Variants in HACE1 observed in about 807,000 individuals in gnomAD.
The protein encoded by HACE1 is E3 ubiquitin-protein ligase HACE1.
HACE1 carries 73 observed loss-of-function variants against 118.4 expected under a neutral mutation model. The observed-to-expected ratio is 0.62, with a 90% CI of 0.51 to 0.75. The LOEUF (loss-of-function observed/expected upper bound fraction) is 0.75. Among genes scored for constraint, HACE1 ranks in the 30% least tolerant of loss-of-function variants. HACE1 has a pLI of 0.00. For missense variants in HACE1, 749 were observed against 1,102.2 expected, an observed-to-expected ratio of 0.68 and a Z score of 4.54; for synonymous variants, 368 against 374.8, an observed-to-expected ratio of 0.98 and a Z score of 0.21.
intron 1 of HACE1, among the ~76,000 whole-genome samples, chr6:104,854,526 AG>A (rs1362610340): frequency 2.0e-5 from 3 of 152,078 alleles, no homozygotes; most frequent in African/African-American, 7.2e-5. Flanking sequence ...TAAAAGGAGG[AG>A]GAACTGTCAT....
rs1394282377 is a variant in HACE1 at position 104,823,344 on chromosome 6, G to A, written c.534+9698C>T. Among the ~76,000 whole-genome samples, 6 of 151,694 alleles carry A rather than the reference G, an allele frequency of 4.0e-5. No homozygotes were observed. The East Asian group carries it at 9.7e-4, about 25-fold the overall frequency. On this transcript the variant is annotated intron_variant, in intron 6 of 23. Transcript: ENST00000262903. ...AGCTACTTCGGAGGCTGACGCAGGAGAATCGCTTGAACCTGGGAGGCAGAG... is the reference window on the plus strand; with the variant it reads ...AGCTACTTCGGAGGCTGACGCAGGAAAATCGCTTGAACCTGGGAGGCAGAG...
chr6:104,822,957 T>C (rs191136859), intron 6 of HACE1, among the ~76,000 whole-genome samples: 1 of 152,190 alleles, frequency 6.6e-6, no homozygotes, highest in Non-Finnish European at 1.5e-5. Context: ...ACTAACATAC[T>C]CCTCTACTGT....
intron 23 of HACE1, 151 bp from the exon 24 acceptor site, chr6:104,729,915 A>G: frequency 1.5e-6 from 1 of 650,526 alleles, no homozygotes; most frequent in South Asian, 1.7e-5. Context: ...GTATTTAAAA[A>G]GAAGAAAAAA....
At chr6:104,857,234 A>G (rs1283272703) in intron 1 of HACE1, among the ~76,000 whole-genome samples, 1 of 149,386 alleles carries the variant, frequency 6.7e-6, no homozygotes, top group African/African-American at 2.4e-5. Flanking sequence ...TATGTATGAT[A>G]TACTTTAAAG....
intron 22 of HACE1, among the ~76,000 whole-genome samples, chr6:104,738,783 G>A (rs1037791895): frequency 4.1e-5 from 6 of 145,132 alleles, no homozygotes; most frequent in African/African-American, 1.6e-4. Flanking sequence ...GTCTAGCAAG[G>A]CAGGCCAACG....
At position 104,834,341 on chromosome 6, in the gene HACE1, G is replaced by C. The variant is rs141335802; in HGVS notation, c.403-1168C>G. On this transcript the variant is annotated intron_variant, in intron 5 of 23. Transcript: ENST00000262903. ...GTTAAAAAGTAATTAACATAGCAAT[G>C]CTATATTCCTTACTTCCTGTATTTT... Among the ~76,000 whole-genome samples, 529 of 152,176 alleles carry C rather than the reference G, an allele frequency of 3.5e-3. 1 individual carries two copies. The highest frequency in any genetic ancestry group is 0.012 in the African/African-American group (481 of 41,512).
At chr6:104,804,849 C>T (rs1012671728) in intron 7 of HACE1, among the ~76,000 whole-genome samples, 1 of 152,096 alleles carries the variant, frequency 6.6e-6, no homozygotes, top group African/African-American at 2.4e-5. Context: ...AAAGCCAAAA[C>T]AGACAAATGG....
In HACE1 at chr6:104,760,225, G is replaced by C. The variant is rs543909446; in HGVS notation, c.2212-9753C>G. Among the ~76,000 whole-genome samples the C allele has an allele frequency of 2.0e-5, 3 of 152,186 alleles. No homozygotes were observed. The South Asian group carries it at 6.2e-4, about 32-fold the overall frequency. ...AGGCCAACATCATCCTGATACCAAA[G>C]CCTGGCAGAGACACAACAAAAAAAG... is the stretch of plus-strand genomic sequence containing the variant. On this transcript the variant is annotated intron_variant, in intron 19 of 23. Coordinates refer to ENST00000262903, the MANE Select transcript of HACE1 (RefSeq NM_020771.4).
chr6:104,789,995 G>T (rs117993096), intron 11 of HACE1, among the ~76,000 whole-genome samples: 425 of 151,936 alleles, frequency 2.8e-3, no homozygotes, highest in Non-Finnish European at 4.8e-3. Context: ...TAGAGCTCAA[G>T]GAAGTGGTAC....
At chr6:104,756,605 G>T (rs1232511138) in intron 19 of HACE1, among the ~76,000 whole-genome samples, 1 of 151,996 alleles carries the variant, frequency 6.6e-6, no homozygotes, top group African/African-American at 2.4e-5. Context: ...AACAGCTCTG[G>T]TCTACAGCTC....
intron 5 of HACE1, among the ~76,000 whole-genome samples, chr6:104,842,939 C>G (rs1227401184): frequency 6.6e-6 from 1 of 152,134 alleles, no homozygotes; most frequent in African/African-American, 2.4e-5. Flanking sequence ...TGGTGAAACC[C>G]CACCTCTACT....
At chr6:104,856,624 C>CG (rs1240175700) in intron 1 of HACE1, among the ~76,000 whole-genome samples, 1 of 151,982 alleles carries the variant, frequency 6.6e-6, no homozygotes, top group Non-Finnish European at 1.5e-5. Flanking sequence ...TTAGTAGAGC[C>CG]GGGGGTTCAC....
chr6:104,772,398 C>CACAT, intron 17 of HACE1, among the ~76,000 whole-genome samples: 1 of 152,250 alleles, frequency 6.6e-6, no homozygotes, highest in Admixed American at 6.5e-5. Context: ...TATACACATA[C>CACAT]ACATACACAC....
At chr6:104,836,759 C>T (rs1398505171) in intron 5 of HACE1, among the ~76,000 whole-genome samples, 18 of 152,144 alleles carry the variant, frequency 1.2e-4, no homozygotes, top group Admixed American at 1.2e-3. Context: ...GACAACATGA[C>T]TGTCTATGTA....
At chr6:104,824,051 T>C (rs1773059737) in intron 6 of HACE1, among the ~76,000 whole-genome samples, 1 of 152,182 alleles carries the variant, frequency 6.6e-6, no homozygotes, top group African/African-American at 2.4e-5. Flanking sequence ...GTCTACTTAG[T>C]GTTAGGCGAG....
intron 7 of HACE1, among the ~76,000 whole-genome samples, chr6:104,805,710 C>T (rs1040602261): frequency 2.0e-5 from 3 of 152,036 alleles, no homozygotes; most frequent in African/African-American, 7.2e-5. Flanking sequence ...GTCGGGAAGT[C>T]AGGGGGCTGG....
At position 104,818,829 on chromosome 6, in the gene HACE1, A is replaced by G. The variant is rs150853414; in HGVS notation, c.535-7436T>C. Among the ~76,000 whole-genome samples, 44 of 152,308 alleles carry G rather than the reference A, an allele frequency of 2.9e-4. No homozygotes were observed. The East Asian group carries it at 6.9e-3, about 24-fold the overall frequency. On this transcript the variant is annotated intron_variant, in intron 6 of 23. Transcript: ENST00000262903. ...CAGAAAAGGCTTTTGATAAAATTCA[A>G]CATCGATTTATGTTTAAAAAAAAAA... is the stretch of plus-strand genomic sequence containing the variant.
At chr6:104,783,636 G>C (rs1781994779) in intron 14 of HACE1, among the ~76,000 whole-genome samples, 2 of 152,150 alleles carry the variant, frequency 1.3e-5, no homozygotes, top group South Asian at 4.1e-4. Flanking sequence ...GTACACATCT[G>C]GTAGGGGAAA....
At chr6:104,856,293 A>G (rs1776708584) in intron 1 of HACE1, among the ~76,000 whole-genome samples, 1 of 152,204 alleles carries the variant, frequency 6.6e-6, no homozygotes, top group African/African-American at 2.4e-5. Context: ...AAACCATCAC[A>G]TGGAGTAATT....
Sources: gnomAD v4.1 joint callset for allele counts (sites outside exome capture counted in the v4.1 genomes callset) on GRCh38, gnomAD v4.1.1 for gene constraint, MANE v1.5 for transcripts, NCBI Gene and HGNC (gene_info 2026-07-23, HGNC 2026-07-21) for gene names.